Variants in PRTG observed in about 807,000 individuals in gnomAD.
PRTG encodes the protein immunoglobulin superfamily, DCC subclass, member 5.
Under a neutral mutation model 122.5 loss-of-function variants are expected in PRTG, and 67 were observed. The ratio of observed to expected loss-of-function variants is 0.55; its 90% CI spans 0.45 to 0.67. The LOEUF is 0.67. PRTG is among the 30% of genes least tolerant of loss of function. PRTG has a pLI of 0.00. For missense variants in PRTG, 1,435 were observed against 1,415.4 expected (o/e 1.01, Z -0.22); for synonymous variants, 554 against 501.1 (o/e 1.11, Z -1.41).
At chr15:55,671,725 T>C (rs912290985) in intron 11 of PRTG, among the ~76,000 whole-genome samples, 1 of 152,140 alleles carries the variant, frequency 6.6e-6, no homozygotes, top group Non-Finnish European at 1.5e-5. Context: ...GGTCTTGAAC[T>C]CCCGACCTCA....
rs191262374 is a variant in PRTG at position 55,677,034 on chromosome 15, G to T, written c.1381+763C>A. ...TTAACGTATATTCCATAAAAGCTAG[G>T]CTGTTGAAGTATAGAACTGAAATTT... On this transcript the variant is annotated intron_variant, in intron 8 of 19. Coordinates refer to ENST00000389286, the MANE Select transcript of PRTG (RefSeq NM_173814.6). Among the ~76,000 whole-genome samples the T allele has an allele frequency of 7.2e-5, 11 of 152,242 alleles. No individual in the cohort carries two copies. The East Asian group carries it at 2.1e-3, about 29-fold the overall frequency.
chr15:55,733,514 C>CAAAA (rs1171561645), intron 2 of PRTG, among the ~76,000 whole-genome samples: 190 of 75,722 alleles, frequency 2.5e-3, no homozygotes, highest in African/African-American at 3.5e-3. Context: ...CTGTCTCAAA[C>CAAAA]AAAAAAAAAA....
rs1024322312 is a variant in PRTG at position 55,613,758 on chromosome 15, CCTTT to C, written c.*6250_*6253del. 5 of 118,472 alleles carry C rather than the reference CCTTT, an allele frequency of 4.2e-5. No individual in the cohort carries two copies. The highest frequency in any genetic ancestry group is 1.4e-4 in the African/African-American group (5 of 35,856). The allele number at this position is 118,472 out of a possible 1,614,324, so 7.3% of individuals were successfully genotyped here. On this transcript the variant is annotated 3_prime_UTR_variant, in exon 20 of 20. Transcript: ENST00000389286. ...CACTATGACCCTGGGTGATTAAATA[CCTTT>C]TTTTTTTTTTTTTTTTTTTAAGCTG...
chr15:55,632,872 C>T (rs1359417906), intron 15 of PRTG, among the ~76,000 whole-genome samples: 1 of 152,134 alleles, frequency 6.6e-6, no homozygotes, highest in Non-Finnish European at 1.5e-5. Context: ...ACTGCCAGTG[C>T]CTAGAATAGA....
At chr15:55,699,759 G>A (rs79231255) in intron 2 of PRTG, among the ~76,000 whole-genome samples, 12,036 of 152,162 alleles carry the variant, frequency 0.079, 546 homozygotes, top group Non-Finnish European at 0.11. Flanking sequence ...TTGGTCTAAG[G>A]GGCCTTGGAC....
chr15:55,653,891 T>C (rs373780916), intron 11 of PRTG, among the ~76,000 whole-genome samples: 1 of 152,260 alleles, frequency 6.6e-6, no homozygotes, highest in African/African-American at 2.4e-5. Context: ...TTTTTGATCA[T>C]GTAATTTCAT....
chr15:55,659,426 C>T (rs1248934771), intron 11 of PRTG, among the ~76,000 whole-genome samples: 1 of 152,130 alleles, frequency 6.6e-6, no homozygotes, highest in African/African-American at 2.4e-5. Context: ...CTCCTATTAT[C>T]TTTCAGATCT....
Position 55,714,680 on chromosome 15 carries a change from C to T in PRTG, c.397+25702G>A, listed in dbSNP as rs1029764472. 1.1e-4 allele frequency among the ~76,000 whole-genome samples: 16 copies of T among 152,024 alleles called. 1 individual carries two copies. Among genetic ancestry groups the T allele is most frequent in the African/African-American group, 3.9e-4 (16 of 41,388 alleles). ...TGTCATAATCTAGTCCAGATTGTGC[C>T]CACTCAACTCTCTTAACCACTTATA... On this transcript the variant is annotated intron_variant, in intron 2 of 19. Coordinates refer to ENST00000389286, the MANE Select transcript of PRTG (RefSeq NM_173814.6).
chr15:55,620,082 C>T lies in PRTG; in HGVS notation c.3383G>A (p.Arg1128Gln), dbSNP rs528633624. The T allele has an allele frequency of 7.1e-5, 114 of 1,614,142 alleles. No homozygotes were observed. Among genetic ancestry groups the T allele is most frequent in the Middle Eastern group, 4.9e-4 (3 of 6,062 alleles). ...CTCATCGTTGGACTCATGAGAAAAC[C>T]GCCCAGAATCCCCAGTCTCATGGCT... ...EGSHETGDSG[R>Q]FSHESNDEIH... The change falls in exon 20 of 20, where the codon CGG becomes CAG. Residue 1128 changes from arginine (R) to glutamine (Q), a missense_variant. Arg to Gln is a conservative substitution (Grantham distance 43). Coordinates refer to ENST00000389286, the MANE Select transcript of PRTG (RefSeq NM_173814.6).
At position 55,617,009 on chromosome 15, in the gene PRTG, T is replaced by C. The variant is rs147403973; in HGVS notation, c.*3003A>G. 1 of 152,200 alleles carries C rather than the reference T, an allele frequency of 6.6e-6. No individual in the cohort carries two copies. The highest frequency in any genetic ancestry group is 1.9e-4 in the East Asian group (1 of 5,176). The allele number at this position is 152,200 out of a possible 1,614,324, so 9.4% of individuals were successfully genotyped here. On this transcript the variant is annotated 3_prime_UTR_variant, in exon 20 of 20. Coordinates refer to ENST00000389286, the MANE Select transcript of PRTG (RefSeq NM_173814.6). ...TATCAGTACTTACAGCAAATACATC[T>C]TTGGAAAAGAAAATAGTTACCATTT...
At chr15:55,696,673 T>C (rs1595659597) in intron 2 of PRTG, among the ~76,000 whole-genome samples, 2 of 152,300 alleles carry the variant, frequency 1.3e-5, no homozygotes, top group South Asian at 2.1e-4. Context: ...ATAAAAATAA[T>C]GTAACAAGAC....
At chr15:55,722,687 G>T (rs1057447735) in intron 2 of PRTG, among the ~76,000 whole-genome samples, 1 of 152,148 alleles carries the variant, frequency 6.6e-6, no homozygotes, top group African/African-American at 2.4e-5. Context: ...TCCATTTCTG[G>T]AAAATCGTAG....
chr15:55,620,799 A>T, intron 18 of PRTG, 32 bp from the exon 19 acceptor site: 1 of 1,542,572 alleles, frequency 6.5e-7, no homozygotes, highest in Non-Finnish European at 8.8e-7. Context: ...AATGTAAAAT[A>T]TCCTGGTATC....
At chr15:55,627,931 C>T (rs28657920) in intron 16 of PRTG, among the ~76,000 whole-genome samples, 3,006 of 152,178 alleles carry the variant, frequency 0.02, 107 homozygotes, top group African/African-American at 0.067. Context: ...TGCGAGTCTA[C>T]GGAGCTCTCA....
intron 2 of PRTG, among the ~76,000 whole-genome samples, chr15:55,723,431 A>AT (rs1491587069): frequency 6.6e-6 from 1 of 151,688 alleles, no homozygotes; most frequent in African/African-American, 2.4e-5. Flanking sequence ...TCTAAGAGAC[A>AT]TGTGGGGCAC....
rs2059478634 is a variant in PRTG, at chr15:55,672,558, T to C, written c.1928A>G (p.Glu643Gly). 6.2e-7 allele frequency: 1 copy of C among 1,614,034 alleles called. No individual in the cohort carries two copies. Among genetic ancestry groups the C allele is most frequent in the Non-Finnish European group, 8.5e-7 (1 of 1,179,908 alleles). Residue 643 changes from glutamate to glycine, a missense_variant, in exon 11 of 20, where the codon GAG becomes GGG. Transcript: ENST00000389286. The stretch of plus-strand genomic sequence containing the variant: ...GTAGCCCTGAATAGCAGCTGTGTCC[T>C]CTACATCTTGCTGCCACCTCACAGA... ...TISVRWQQDVEDTAAIQGYKL... is the reference protein window; with the variant it reads ...TISVRWQQDVGDTAAIQGYKL...
chr15:55,622,816 G>A (rs569902082), intron 18 of PRTG, among the ~76,000 whole-genome samples: 1 of 152,092 alleles, frequency 6.6e-6, no homozygotes, highest in South Asian at 2.1e-4. Flanking sequence ...AATTACAGGC[G>A]TGAACCACCG....
chr15:55,685,555 C>T (rs1318703736), intron 2 of PRTG, among the ~76,000 whole-genome samples: 1 of 152,096 alleles, frequency 6.6e-6, no homozygotes, highest in African/African-American at 2.4e-5. Flanking sequence ...TTGAGGCAGA[C>T]ACATATGAGA....
intron 2 of PRTG, among the ~76,000 whole-genome samples, chr15:55,689,790 T>C (rs1422573521): frequency 2.0e-5 from 3 of 152,096 alleles, no homozygotes; most frequent in East Asian, 1.9e-4. Flanking sequence ...TAGCCAGGCA[T>C]GGCGGCGTGC....
Sources: gnomAD v4.1 joint callset for allele counts (sites outside exome capture counted in the v4.1 genomes callset) on GRCh38, gnomAD v4.1.1 for gene constraint, MANE v1.5 for transcripts, NCBI Gene and HGNC (gene_info 2026-07-23, HGNC 2026-07-21) for gene names.